Variants in NBPF14 observed in about 807,000 individuals in gnomAD.
The protein encoded by NBPF14 is NBPF member 14, also known as NBPF family member NBPF14.
In NBPF14, 104 loss-of-function variants were observed where a neutral mutation model predicts 91.2. The ratio of observed to expected loss-of-function variants is 1.14; its 90% CI spans 0.97 to 1.34. The LOEUF is 1.34. Among genes scored for constraint, NBPF14 ranks in the 40% most tolerant of loss-of-function variants. The pLI, the probability that NBPF14 is intolerant of heterozygous loss-of-function variation, is 0.00. For missense variants in NBPF14, 908 were observed against 783.0 expected (o/e 1.16, Z -1.91); for synonymous variants, 294 against 303.8 (o/e 0.97, Z 0.34).
At chr1:148,558,168 C>A in intron 39 of NBPF14, 84 bp downstream of exon 39, 2 of 224,330 alleles carry the variant, frequency 8.9e-6, no homozygotes, top group South Asian at 2.6e-5. Context: ...TCTCTCGGGT[C>A]AGTAAGGGGC....
chr1:148,575,925 C>G, intron 16 of NBPF14, 114 bp from the exon 17 acceptor site: 1 of 396,298 alleles, frequency 2.5e-6, no homozygotes, highest in South Asian at 2.1e-5. Flanking sequence ...AGGACAGATC[C>G]ATTAATGAGG....
rs1197844492 is a variant in NBPF14 at position 148,534,940 on chromosome 1, G to A, written c.8442-84C>T. 7 of 746,458 alleles carry A rather than the reference G, an allele frequency of 9.4e-6. No homozygotes were observed. In the East Asian group the frequency reaches 1.0e-4, roughly 11 times the overall value. 46.2% of individuals were successfully genotyped at this position (746,458 alleles called of 1,614,324 possible). A position where few individuals can be genotyped will look rare whatever the true frequency, so the allele number is the denominator to read the frequency against. ...CAGCTAGATTTCATGGCTAACATAAGGAACAGTTTAAAAAGAAAAAGGACA... is the reference window on the plus strand; with the variant it reads ...CAGCTAGATTTCATGGCTAACATAAAGAACAGTTTAAAAAGAAAAAGGACA... On this transcript the variant is annotated intron_variant, in intron 68 of 70. Transcript: ENST00000619423.
rs1212310853 is a variant in NBPF14 at position 148,586,856 on chromosome 1, T to G, written c.1092-387A>C. Among the ~76,000 whole-genome samples, 793 of 136,838 alleles carry G rather than the reference T, an allele frequency of 5.8e-3. 45 individuals are homozygous for G. The highest frequency in any genetic ancestry group is 0.051 in the Admixed American group (675 of 13,304). The allele number at this position is 136,838 out of a possible 152,430, so 89.8% of individuals were successfully genotyped here. A position where few individuals can be genotyped will look rare whatever the true frequency, so the allele number is the denominator to read the frequency against. On this transcript the variant is annotated intron_variant, in intron 8 of 70. Transcript: ENST00000619423. ...AGCCATGTACAGAAATGAGGCCAGG[T>G]GCAGATGGGGCGAATTGAAAAGATG... is the stretch of plus-strand genomic sequence containing the variant.
Position 148,561,810 on chromosome 1 carries a change from C to G in NBPF14, c.4275-231G>C, listed in dbSNP as rs1225181323. Among the ~76,000 whole-genome samples, 7 of 136,558 alleles carry G rather than the reference C, an allele frequency of 5.1e-5. No homozygotes were observed. In the East Asian group the frequency reaches 8.3e-4, roughly 16 times the overall value. The allele number at this position is 136,558 out of a possible 152,430, so 89.6% of individuals were successfully genotyped here. A position where few individuals can be genotyped will look rare whatever the true frequency, so the allele number is the denominator to read the frequency against. On this transcript the variant is annotated intron_variant, in intron 34 of 70. Coordinates refer to ENST00000619423, the Ensembl canonical transcript of NBPF14. ...ACACACACACACACACAAACACACACACACACACAGAGAGAGAGAGAGAGA... is the reference window on the plus strand; with the variant it reads ...ACACACACACACACACAAACACACAGACACACACAGAGAGAGAGAGAGAGA...
At chr1:148,559,341 T>G (rs1482930408) in intron 37 of NBPF14, among the ~76,000 whole-genome samples, 2 of 128,098 alleles carry the variant, frequency 1.6e-5, no homozygotes, top group Non-Finnish European at 3.0e-5. Flanking sequence ...TTATGCCATA[T>G]TTTTCCAATC....
chr1:148,590,352 C>G (rs1453743286), intron 6 of NBPF14, among the ~76,000 whole-genome samples: 5 of 144,542 alleles, frequency 3.5e-5, no homozygotes, highest in African/African-American at 1.3e-4. Flanking sequence ...CCACTGCTCC[C>G]AGCCGAGACT....
intron 36 of NBPF14, among the ~76,000 whole-genome samples, chr1:148,560,180 A>G (rs1657532930): frequency 2.6e-5 from 4 of 151,462 alleles, no homozygotes; most frequent in South Asian, 2.1e-4. Flanking sequence ...AGAGACAGAG[A>G]CAGAGACAGA....
At chr1:148,559,410 T>C in intron 37 of NBPF14, among the ~76,000 whole-genome samples, 1 of 134,214 alleles carries the variant, frequency 7.5e-6, no homozygotes, top group Middle Eastern at 3.5e-3. Context: ...ATTCACCCTG[T>C]CTCATCAAAT....
At chr1:148,577,532 T>C (rs1660064690) in intron 14 of NBPF14, among the ~76,000 whole-genome samples, 177 bp from the exon 15 acceptor site, 1 of 141,602 alleles carries the variant, frequency 7.1e-6, no homozygotes, top group South Asian at 2.3e-4. Context: ...TAGAAAAGGA[T>C]GAACGAGAAA....
intron 24 of NBPF14, 97 bp from the exon 25 acceptor site, chr1:148,569,524 A>G: frequency 1.2e-5 from 3 of 256,768 alleles, no homozygotes; most frequent in Non-Finnish European, 2.0e-5. Context: ...AGAGTTTGAA[A>G]AGAAAAAGGA....
chr1:148,587,180 T>G, intron 8 of NBPF14, 121 bp downstream of exon 8: 1 of 812,442 alleles, frequency 1.2e-6, no homozygotes, highest in Admixed American at 1.9e-5. Flanking sequence ...GTAGCGAGCC[T>G]GCCATGGCAA....
At chr1:148,534,903 ACC>A in intron 68 of NBPF14, 47 bp from the exon 69 acceptor site, 1 of 717,688 alleles carries the variant, frequency 1.4e-6, no homozygotes. Flanking sequence ...GGAATCAGAA[ACC>A]ACACAGCCCC....
At chr1:148,576,736 C>A (rs1231728387) in intron 15 of NBPF14, among the ~76,000 whole-genome samples, 3 of 143,774 alleles carry the variant, frequency 2.1e-5, no homozygotes, top group African/African-American at 7.5e-5. Flanking sequence ...CATATTTTTC[C>A]AATCGATTTA....
At chr1:148,532,407 A>C (rs2149462908) in exon 71 of NBPF14, 1 of 162,492 alleles carries the variant, frequency 6.2e-6, no homozygotes, top group East Asian at 1.8e-4. Context: ...CTGTTTGTCC[A>C]TCTAGCTGTG....
chr1:148,533,669 T>A (rs1553331642), intron 70 of NBPF14, among the ~76,000 whole-genome samples, 192 bp downstream of exon 70: 1 of 149,132 alleles, frequency 6.7e-6, no homozygotes, highest in African/African-American at 2.5e-5. Context: ...CAACCTATGG[T>A]ACGTTAGGAA....
Position 148,587,550 on chromosome 1 carries a change from T to G in NBPF14, c.989-147A>C, listed in dbSNP as rs1250278670. The stretch of plus-strand genomic sequence containing the variant: ...ACAGGGATTTCAACATCTTTACTCT[T>G]CAGTCTCCTGACTTTCTGGCATCTG... On this transcript the variant is annotated intron_variant, in intron 7 of 70. Coordinates refer to ENST00000619423, the Ensembl canonical transcript of NBPF14. 2,295 of 927,680 alleles carry G rather than the reference T, an allele frequency of 2.5e-3. 75 individuals are homozygous for G. In the East Asian group the frequency reaches 0.041, roughly 17 times the overall value. 57.5% of individuals were successfully genotyped at this position (927,680 alleles called of 1,614,324 possible).
Position 148,559,758 on chromosome 1 carries a change from G to C in NBPF14, c.4729+35C>G. The C allele has an allele frequency of 1.6e-6, 2 of 1,243,380 alleles. 1 individual carries two copies. Among genetic ancestry groups the C allele is most frequent in the Admixed American group, 3.7e-5 (2 of 54,574 alleles). The allele number at this position is 1,243,380 out of a possible 1,614,324, so 77.0% of individuals were successfully genotyped here. On this transcript the variant is annotated intron_variant, in intron 37 of 70. Transcript: ENST00000619423. ...AATATGACCCTAACCAGAAGACTCAGTGGATCCTTATCACCTTCATAGAAA... is the reference window on the plus strand; with the variant it reads ...AATATGACCCTAACCAGAAGACTCACTGGATCCTTATCACCTTCATAGAAA...
chr1:148,534,712 C>T (rs372626916), exon 69 of NBPF14: 1 of 840,394 alleles, frequency 1.2e-6, no homozygotes, highest in Non-Finnish European at 2.1e-6. Context: ...AGCCAAGGTA[C>T]TGTTCCTCCA....
At chr1:148,595,362 G>A (rs1663151944) in intron 2 of NBPF14, among the ~76,000 whole-genome samples, 181 bp downstream of exon 2, 1 of 148,378 alleles carries the variant, frequency 6.7e-6, no homozygotes, top group Admixed American at 6.7e-5. Context: ...AACATGGAAA[G>A]TTGCTAAATA....
Sources: allele counts gnomAD v4.1 joint callset (sites outside exome capture counted in the v4.1 genomes callset), GRCh38; gene constraint gnomAD v4.1.1; transcripts MANE v1.5; gene names NCBI Gene and HGNC (gene_info 2026-07-23, HGNC 2026-07-21).